TRIO: variants seen among roughly 807,000 people sequenced by gnomAD.
The protein encoded by TRIO is trio Rho guanine nucleotide exchange factor.
TRIO carries 58 observed loss-of-function variants against 351.9 expected under a neutral mutation model. The ratio of observed to expected loss-of-function variants is 0.16; its 90% confidence interval spans 0.13 to 0.21. The LOEUF (loss-of-function observed/expected upper bound fraction) is 0.21, where lower values mean the gene tolerates loss of function less well. Among genes scored for constraint, TRIO ranks in the 10% least tolerant of loss-of-function variants. The pLI is 1.00. For missense variants in TRIO, 3,201 were observed against 4,027.8 expected (o/e 0.79, Z 5.56); for synonymous variants, 1,758 against 1,595.7 (o/e 1.10, Z -2.42).
chr5:14,508,046 C>T lies in TRIO; in HGVS notation c.8918C>T (p.Ser2973Leu). ...IILGNPVSLT[S>L]DTWSVGVLTY... ...CTCGGGAACCCTGTCTCCCTGACCT[C>T]GGATACGTGGAGTGTTGGAGTGCTC... Residue 2973 changes from serine to leucine, a missense_variant, in exon 57 of 57, where the codon TCG (serine) becomes TTG (leucine). Ser to Leu is a moderately radical substitution (Grantham distance 145, BLOSUM62 -2). Coordinates refer to ENST00000344204, the MANE Select transcript of TRIO (RefSeq NM_007118.4). The T allele has an allele frequency of 6.2e-7, 1 of 1,614,206 alleles. No homozygotes were observed. Among genetic ancestry groups the T allele is most frequent in the Non-Finnish European group, 8.5e-7 (1 of 1,180,044 alleles).
intron 1 of TRIO, among the ~76,000 whole-genome samples, chr5:14,152,591 T>A (rs1171789541): frequency 6.6e-6 from 1 of 152,178 alleles, no homozygotes; most frequent in East Asian, 1.9e-4. Context: ...AGGCTGGTCT[T>A]GAACTCCTGA....
chr5:14,361,290 G>A (rs1744129666), intron 13 of TRIO, among the ~76,000 whole-genome samples: 1 of 152,130 alleles, frequency 6.6e-6, no homozygotes, highest in African/African-American at 2.4e-5. Context: ...CATTGAACCA[G>A]ATTAGGAAAC....
At chr5:14,450,376 G>C (rs1014427587) in intron 34 of TRIO, among the ~76,000 whole-genome samples, 7 of 152,198 alleles carry the variant, frequency 4.6e-5, no homozygotes, top group South Asian at 4.1e-4. Context: ...GGGTCACCTG[G>C]AGGTGTCTGC....
At chr5:14,451,996 C>T (rs1283505635) in intron 34 of TRIO, among the ~76,000 whole-genome samples, 1 of 152,214 alleles carries the variant, frequency 6.6e-6, no homozygotes, top group African/African-American at 2.4e-5. Flanking sequence ...AGATGTTCAC[C>T]GGAACTCTCC....
intron 32 of TRIO, chr5:14,406,213 A>G: frequency 4.4e-6 from 3 of 683,744 alleles, no homozygotes; most frequent in South Asian, 2.0e-5. Context: ...CAAACCTCTC[A>G]TTGTTTTGCC....
intron 21 of TRIO, among the ~76,000 whole-genome samples, 168 bp downstream of exon 21, chr5:14,381,420 C>T (rs1259594623): frequency 6.6e-6 from 1 of 152,172 alleles, no homozygotes; most frequent in Admixed American, 6.5e-5. Flanking sequence ...CCTCCGTGTC[C>T]TCCACCTCCT....
chr5:14,300,472 T>A (rs1201193899), intron 7 of TRIO, among the ~76,000 whole-genome samples: 1 of 152,240 alleles, frequency 6.6e-6, no homozygotes, highest in Non-Finnish European at 1.5e-5. Context: ...ACAGCACAGA[T>A]ACACATTTCT....
At chr5:14,283,799 G>A (rs1182958755) in intron 3 of TRIO, among the ~76,000 whole-genome samples, 1 of 151,960 alleles carries the variant, frequency 6.6e-6, no homozygotes, top group African/African-American at 2.4e-5. Flanking sequence ...TAGTAACAAG[G>A]TGAGTTCATA....
chr5:14,439,151 G>T (rs1256052861), intron 34 of TRIO, among the ~76,000 whole-genome samples: 1 of 152,178 alleles, frequency 6.6e-6, no homozygotes, highest in African/African-American at 2.4e-5. Context: ...GAGTAGCTGG[G>T]ATTATAAGCA....
At chr5:14,152,147 C>T (rs1787877907) in intron 1 of TRIO, among the ~76,000 whole-genome samples, 1 of 152,146 alleles carries the variant, frequency 6.6e-6, no homozygotes, top group Non-Finnish European at 1.5e-5. Context: ...ATAAATCCCT[C>T]ATTAGTCTAA....
At chr5:14,481,013 G>T (rs540666862) in intron 43 of TRIO, among the ~76,000 whole-genome samples, 1 of 151,966 alleles carries the variant, frequency 6.6e-6, no homozygotes, top group Non-Finnish European at 1.5e-5. Context: ...GAACCCCAAT[G>T]TCTGGCCAGT....
intron 49 of TRIO, among the ~76,000 whole-genome samples, chr5:14,493,747 T>C (rs1272431869): frequency 6.6e-6 from 1 of 152,224 alleles, no homozygotes; most frequent in African/African-American, 2.4e-5. Context: ...AAAGTGGATA[T>C]AGGCCGAAAG....
At chr5:14,290,642 C>A in intron 4 of TRIO, 74 bp from the exon 5 acceptor site, 1 of 1,429,386 alleles carries the variant, frequency 7.0e-7, no homozygotes, top group Non-Finnish European at 9.4e-7. Flanking sequence ...TGTGACTGAG[C>A]ATTGCAAATT....
chr5:14,242,215 C>T (rs1485111617), intron 1 of TRIO, among the ~76,000 whole-genome samples: 2 of 152,240 alleles, frequency 1.3e-5, no homozygotes, highest in Non-Finnish European at 2.9e-5. Flanking sequence ...TGGACTACTG[C>T]AGTCTACTTC....
chr5:14,240,709 A>G (rs1794076538), intron 1 of TRIO, among the ~76,000 whole-genome samples: 2 of 152,228 alleles, frequency 1.3e-5, no homozygotes, highest in South Asian at 2.1e-4. Context: ...AGATTTTCAG[A>G]CAAGACGGAC....
intron 8 of TRIO, 57 bp downstream of exon 8, chr5:14,304,649 A>C: frequency 6.5e-7 from 1 of 1,549,650 alleles, no homozygotes; most frequent in Non-Finnish European, 8.7e-7. Context: ...ATCATAGTAC[A>C]CCGGAAGCTA....
intron 1 of TRIO, among the ~76,000 whole-genome samples, chr5:14,261,011 C>T (rs1401288677): frequency 6.6e-6 from 1 of 152,206 alleles, no homozygotes; most frequent in Admixed American, 6.5e-5. Flanking sequence ...CCTGCACCTA[C>T]CCCCTCCTTA....
At chr5:14,343,007 A>G (rs1267656688) in intron 11 of TRIO, among the ~76,000 whole-genome samples, 1 of 152,062 alleles carries the variant, frequency 6.6e-6, no homozygotes, top group Non-Finnish European at 1.5e-5. Context: ...TGTACCTCCA[A>G]AGATGTCATA....
At chr5:14,388,566 G>A (rs1392601364) in intron 23 of TRIO, 47 bp from the exon 24 acceptor site, 1 of 1,556,804 alleles carries the variant, frequency 6.4e-7, no homozygotes, top group South Asian at 1.2e-5. Context: ...AGATAGTGAA[G>A]TAAGCTGCAC....
Sources: gnomAD v4.1 joint callset for allele counts (sites outside exome capture counted in the v4.1 genomes callset) on GRCh38, gnomAD v4.1.1 for gene constraint, MANE v1.5 for transcripts, NCBI Gene and HGNC (gene_info 2026-07-23, HGNC 2026-07-21) for gene names.